The following RARS1 variants were observed in gnomAD, a reference collection of about 807,000 sequenced individuals.
RARS1 encodes the protein arginyl-tRNA synthetase 1.
Under a neutral mutation model 78.7 loss-of-function variants are expected in RARS1, and 75 were observed. That is an observed-to-expected ratio of 0.95 (90% CI 0.79 to 1.15). The LOEUF (loss-of-function observed/expected upper bound fraction) is 1.15, where lower values mean the gene tolerates loss of function less well. Ranked by LOEUF, RARS1 falls within the 50% of genes most tolerant of loss-of-function variation. The pLI is 0.00. For missense variants in RARS1, 787 were observed against 787.5 expected (o/e 1.00, Z 0.01); for synonymous variants, 273 against 268.2 (o/e 1.02, Z -0.18).
chr5:168,487,452 A>C (rs12516801), intron 1 of RARS1, among the ~76,000 whole-genome samples: 6,277 of 152,120 alleles, frequency 0.041, 438 homozygotes, highest in Admixed American at 0.18. Context: ...AGTTCACAGT[A>C]CTCTGTCCTG....
intron 1 of RARS1, chr5:168,488,133 T>A (rs185143368): frequency 2.1e-4 from 79 of 373,282 alleles, no homozygotes; most frequent in African/African-American, 1.6e-3. Context: ...TCTTTTTCTT[T>A]TTCTTTTTTT....
At chr5:168,514,982 A>G (rs1330815199) in intron 12 of RARS1, among the ~76,000 whole-genome samples, 1 of 152,116 alleles carries the variant, frequency 6.6e-6, no homozygotes, top group African/African-American at 2.4e-5. Context: ...TAAGTCTTAT[A>G]AGCTGTACTC....
At chr5:168,496,780 G>A (rs538469799) in intron 6 of RARS1, among the ~76,000 whole-genome samples, 29 of 152,148 alleles carry the variant, frequency 1.9e-4, no homozygotes, top group African/African-American at 6.5e-4. Context: ...CATTGCACCC[G>A]GCCTCAACAT....
At chr5:168,492,942 C>G (rs935153766) in intron 3 of RARS1, 95 bp downstream of exon 3, 2 of 1,164,294 alleles carry the variant, frequency 1.7e-6, no homozygotes, top group Non-Finnish European at 2.4e-6. Flanking sequence ...AAGTTGTATC[C>G]TTAGTGAAAA....
Position 168,497,404 on chromosome 5 carries a change from C to A in RARS1, c.822+56C>A, listed in dbSNP as rs1002610294. 8.9e-6 allele frequency: 12 copies of A among 1,345,868 alleles called. No homozygotes were observed. The African/African-American group carries it at 1.5e-4, about 17-fold the overall frequency. The allele number at this position is 1,345,868 out of a possible 1,614,324, so 83.4% of individuals were successfully genotyped here. A position where few individuals can be genotyped will look rare whatever the true frequency, so the allele number is the denominator to read the frequency against. On this transcript the variant is annotated intron_variant, in intron 7 of 14. Coordinates refer to ENST00000231572, the MANE Select transcript of RARS1 (RefSeq NM_002887.4). ...GTGTTTACCATTAATCATAATTATCCATTTTCCTTAGGAAACTTAAAATGG... is the reference window on the plus strand; with the variant it reads ...GTGTTTACCATTAATCATAATTATCAATTTTCCTTAGGAAACTTAAAATGG...
At chr5:168,512,870 C>T (rs550778358) in intron 12 of RARS1, among the ~76,000 whole-genome samples, 23 of 152,302 alleles carry the variant, frequency 1.5e-4, no homozygotes, top group South Asian at 1.0e-3. Flanking sequence ...ATCAATACTT[C>T]GTATCCTTCA....
chr5:168,504,295 G>A (rs931663232), intron 9 of RARS1, among the ~76,000 whole-genome samples: 2 of 151,966 alleles, frequency 1.3e-5, no homozygotes, highest in African/African-American at 4.8e-5. Flanking sequence ...GGAGGCCAAG[G>A]TGAGCGAATC....
intron 7 of RARS1, among the ~76,000 whole-genome samples, chr5:168,499,549 G>A (rs1162290148): frequency 2.0e-5 from 3 of 152,078 alleles, no homozygotes; most frequent in African/African-American, 7.2e-5. Flanking sequence ...TTTGGTAAAT[G>A]TTTTCTGTTG....
rs377712288 is a variant in RARS1 at position 168,515,139 on chromosome 5, TAA to T, written c.1453-1637_1453-1636del. On this transcript the variant is annotated intron_variant, in intron 12 of 14. Coordinates refer to ENST00000231572, the MANE Select transcript of RARS1 (RefSeq NM_002887.4). ...GTGATAGTATCAGTTTTCTCCCCTGTAAAGTTAGTATTTTCCCCCTTTGTCAT... is the reference window on the plus strand; with the variant it reads ...GTGATAGTATCAGTTTTCTCCCCTGTAGTTAGTATTTTCCCCCTTTGTCAT... Among the ~76,000 whole-genome samples, 15 of 152,330 alleles carry T rather than the reference TAA, an allele frequency of 9.8e-5. No individual in the cohort carries two copies. In the East Asian group the frequency reaches 2.7e-3, roughly 27 times the overall value.
Position 168,518,058 on chromosome 5 carries a change from G to C in RARS1, c.1869G>C (p.Gln623His), listed in dbSNP as rs758848412. 1.3e-6 allele frequency: 1 copy of C among 772,774 alleles called. No individual in the cohort carries two copies. Among genetic ancestry groups the C allele is most frequent in the Non-Finnish European group, 1.8e-6 (1 of 551,418 alleles). 47.9% of individuals were successfully genotyped at this position (772,774 alleles called of 1,614,324 possible). A position where few individuals can be genotyped will look rare whatever the true frequency, so the allele number is the denominator to read the frequency against. The change falls in exon 14 of 15, where the codon CAG (glutamine) becomes CAC (histidine). Residue 623 changes from glutamine (Q) to histidine (H), a missense_variant. Transcript: ENST00000231572. Reference sequence around the variant, plus strand: ...GCTACTGTGTGGAGAAAGATAGACAGACTGGTGAGTGTCTTTTTTTTTTTT... The same window carrying C: ...GCTACTGTGTGGAGAAAGATAGACACACTGGTGAGTGTCTTTTTTTTTTTT... Reference protein sequence around the residue: ...DSCYCVEKDRQTGKILKVNMW... With the variant: ...DSCYCVEKDRHTGKILKVNMW...
rs371222855 is a variant in RARS1 at position 168,486,492 on chromosome 5, T to C, written c.-7T>C. The C allele has an allele frequency of 4.6e-5, 72 of 1,557,424 alleles. No individual in the cohort carries two copies. In the African/African-American group the frequency reaches 8.1e-4, roughly 18 times the overall value. ...GTCCACTTGGCGAGTGAGACGCTGATGGGAGGATGGACGTACTGGTGTCTG... is the reference window on the plus strand; with the variant it reads ...GTCCACTTGGCGAGTGAGACGCTGACGGGAGGATGGACGTACTGGTGTCTG... On this transcript the variant is annotated 5_prime_UTR_variant, in exon 1 of 15. An upstream start codon of the reference 5' UTR is lost. Coordinates refer to ENST00000231572, the MANE Select transcript of RARS1 (RefSeq NM_002887.4).
At chr5:168,496,416 T>C (rs1285194604) in intron 6 of RARS1, among the ~76,000 whole-genome samples, 1 of 148,350 alleles carries the variant, frequency 6.7e-6, no homozygotes, top group African/African-American at 2.5e-5. Context: ...GAGGCTATCA[T>C]AATCCACTTG....
intron 12 of RARS1, among the ~76,000 whole-genome samples, chr5:168,511,028 C>T (rs1243827690): frequency 6.6e-6 from 1 of 152,072 alleles, no homozygotes; most frequent in African/African-American, 2.4e-5. Context: ...GTGCCATGCT[C>T]CTTCTTGGGA....
At chr5:168,499,682 A>G (rs1477659201) in intron 7 of RARS1, among the ~76,000 whole-genome samples, 1 of 151,564 alleles carries the variant, frequency 6.6e-6, no homozygotes, top group Non-Finnish European at 1.5e-5. Context: ...TTGTATAAAT[A>G]AATTGTTAAA....
intron 12 of RARS1, among the ~76,000 whole-genome samples, chr5:168,514,314 G>A (rs1439086531): frequency 2.0e-5 from 3 of 151,940 alleles, no homozygotes; most frequent in Non-Finnish European, 4.4e-5. Context: ...CTACTTTTCC[G>A]CATTCTGTTA....
intron 9 of RARS1, 77 bp downstream of exon 9, chr5:168,502,182 C>G: frequency 6.5e-7 from 1 of 1,529,336 alleles, no homozygotes; most frequent in Non-Finnish European, 8.8e-7. Flanking sequence ...TATAGTAATG[C>G]CAGCTTCATG....
chr5:168,494,884 C>A, intron 5 of RARS1: 1 of 416,658 alleles, frequency 2.4e-6, no homozygotes, highest in Non-Finnish European at 4.2e-6. Context: ...AAACGAACTG[C>A]ATGGAAAGTG....
intron 2 of RARS1, among the ~76,000 whole-genome samples, 194 bp downstream of exon 2, chr5:168,488,930 C>G (rs962758278): frequency 1.3e-5 from 2 of 152,218 alleles, no homozygotes; most frequent in African/African-American, 4.8e-5. Flanking sequence ...TGGTGTTGTC[C>G]TGTCCTTCAG....
At chr5:168,505,051 G>A (rs966960569) in intron 9 of RARS1, among the ~76,000 whole-genome samples, 2 of 152,218 alleles carry the variant, frequency 1.3e-5, no homozygotes, top group Non-Finnish European at 2.9e-5. Flanking sequence ...TAGGCACAGA[G>A]AAGTTAGTAT....
Sources: gnomAD v4.1 joint callset for allele counts (sites outside exome capture counted in the v4.1 genomes callset) on GRCh38, gnomAD v4.1.1 for gene constraint, MANE v1.5 for transcripts, NCBI Gene and HGNC (gene_info 2026-07-23, HGNC 2026-07-21) for gene names.